MAL2: variants seen among roughly 807,000 people sequenced by gnomAD.
MAL2 encodes protein MAL2.
In MAL2, 17 loss-of-function variants were observed where a neutral mutation model predicts 18.1. The observed-to-expected ratio is 0.94, with a 90% CI of 0.64 to 1.41. MAL2 has a LOEUF of 1.41. Ranked by LOEUF, MAL2 falls within the 40% of genes most tolerant of loss-of-function variation. MAL2 has a pLI of 0.00. For missense variants in MAL2, 222 were observed against 231.9 expected (o/e 0.96, Z 0.28); for synonymous variants, 102 against 102.3 (o/e 1.00, Z 0.02).
chr8:119,228,784 G>A (rs1817648797), intron 2 of MAL2, among the ~76,000 whole-genome samples: 1 of 152,190 alleles, frequency 6.6e-6, no homozygotes, highest in African/African-American at 2.4e-5. Context: ...GTATTTTAGT[G>A]AGAATAACCA....
At chr8:119,228,027 A>G (rs1334084843) in intron 2 of MAL2, among the ~76,000 whole-genome samples, 1 of 152,076 alleles carries the variant, frequency 6.6e-6, no homozygotes, top group Non-Finnish European at 1.5e-5. Context: ...ATTGGCAGAG[A>G]GACTTCCAAG....
intron 1 of MAL2, among the ~76,000 whole-genome samples, chr8:119,218,128 G>T (rs151175157): frequency 6.6e-6 from 1 of 152,162 alleles, no homozygotes; most frequent in East Asian, 1.9e-4. Context: ...ATGTTCTCTG[G>T]CCCATCCTCT....
chr8:119,245,209 C>T lies in MAL2; in HGVS notation c.*1721C>T, dbSNP rs919983831. 6.6e-6 allele frequency: 1 copy of T among 152,554 alleles called. No homozygotes were observed. The highest frequency in any genetic ancestry group is 2.4e-5 in the African/African-American group (1 of 41,418). The allele number at this position is 152,554 out of a possible 1,614,324, so 9.5% of individuals were successfully genotyped here. A position where few individuals can be genotyped will look rare whatever the true frequency, so the allele number is the denominator to read the frequency against. Reference sequence around the variant, plus strand: ...TATAATATCCTACTACTTTGGTTTTCCTAGCTCCATACCACACACCTAAAC... The same window carrying T: ...TATAATATCCTACTACTTTGGTTTTTCTAGCTCCATACCACACACCTAAAC... On this transcript the variant is annotated 3_prime_UTR_variant, in exon 4 of 4. Transcript: ENST00000614891.
intron 2 of MAL2, among the ~76,000 whole-genome samples, chr8:119,236,946 G>A (rs1253319442): frequency 6.7e-6 from 1 of 150,240 alleles, no homozygotes; most frequent in Non-Finnish European, 1.5e-5. Flanking sequence ...TAAAATCAGA[G>A]CAGAACTGAA....
intron 1 of MAL2, among the ~76,000 whole-genome samples, chr8:119,216,321 A>G (rs1283652041): frequency 6.6e-6 from 1 of 152,200 alleles, no homozygotes; most frequent in African/African-American, 2.4e-5. Context: ...AGAATGTTAA[A>G]ATCATAAGTT....
At chr8:119,225,168 G>C (rs534137035) in intron 2 of MAL2, among the ~76,000 whole-genome samples, 1 of 151,992 alleles carries the variant, frequency 6.6e-6, no homozygotes, top group African/African-American at 2.4e-5. Context: ...TGTGCACAAC[G>C]TGCAGGTTAG....
intron 2 of MAL2, among the ~76,000 whole-genome samples, chr8:119,232,730 A>G (rs1392578948): frequency 6.6e-6 from 1 of 152,248 alleles, no homozygotes. Flanking sequence ...CATAACCATA[A>G]TAAAAAGATG....
chr8:119,235,144 G>A (rs1009343747), intron 2 of MAL2, among the ~76,000 whole-genome samples: 40 of 152,200 alleles, frequency 2.6e-4, no homozygotes, highest in East Asian at 3.9e-4. Context: ...ACCAAGGCTC[G>A]AGAACTATGT....
intron 1 of MAL2, among the ~76,000 whole-genome samples, chr8:119,210,195 CTAA>C (rs1817248683): frequency 6.6e-6 from 1 of 151,974 alleles, no homozygotes; most frequent in Non-Finnish European, 1.5e-5. Flanking sequence ...TTATATTTTT[CTAA>C]TGTTTATTCA....
At position 119,244,451 on chromosome 8, in the gene MAL2, A is replaced by G. The variant is rs1279974077; in HGVS notation, c.*963A>G. 2 of 152,192 alleles carry G rather than the reference A, an allele frequency of 1.3e-5. No homozygotes were observed. Among genetic ancestry groups the G allele is most frequent in the East Asian group, 3.9e-4 (2 of 5,182 alleles). The allele number at this position is 152,192 out of a possible 1,614,324, so 9.4% of individuals were successfully genotyped here. On this transcript the variant is annotated 3_prime_UTR_variant, in exon 4 of 4. Transcript: ENST00000614891. ...GCTTAAAATGGGATCCCCAGAGACC[A>G]TTAACCAATACTGGAACTGGTATCT... is the stretch of plus-strand genomic sequence containing the variant.
At chr8:119,227,545 A>G (rs1387979290) in intron 2 of MAL2, among the ~76,000 whole-genome samples, 2 of 152,186 alleles carry the variant, frequency 1.3e-5, no homozygotes. Flanking sequence ...ATATCCAGGA[A>G]GAATGTGGCC....
intron 2 of MAL2, among the ~76,000 whole-genome samples, chr8:119,238,040 T>C (rs908772565): frequency 1.3e-5 from 2 of 152,200 alleles, no homozygotes; most frequent in Non-Finnish European, 2.9e-5. Flanking sequence ...GAAAACCCCA[T>C]TGTCTCAGCC....
chr8:119,224,540 T>A (rs926821949), intron 2 of MAL2, among the ~76,000 whole-genome samples: 20 of 152,234 alleles, frequency 1.3e-4, no homozygotes, highest in African/African-American at 4.6e-4. Context: ...TTGGTTTTTT[T>A]AAGATTTTTT....
chr8:119,243,014 A>T (rs758176488), intron 3 of MAL2, among the ~76,000 whole-genome samples: 6 of 152,210 alleles, frequency 3.9e-5, no homozygotes, highest in Non-Finnish European at 7.3e-5. Flanking sequence ...AAATTATTTG[A>T]TGCATCCTCA....
At chr8:119,219,121 G>GT (rs1258405571) in intron 1 of MAL2, among the ~76,000 whole-genome samples, 2 of 152,144 alleles carry the variant, frequency 1.3e-5, no homozygotes, top group Non-Finnish European at 2.9e-5. Flanking sequence ...GTGGTTAAAT[G>GT]TTTAAGATGC....
chr8:119,208,532 GC>G lies in MAL2; in HGVS notation c.64del (p.Arg22GlyfsTer52), dbSNP rs1554419224. ...CGAACCCCGCCGTGTCCTTCCCGCC[GC>G]CCCGGGTCACCCTGCCCGCCGGCCC... ...PPNPAVSFPP[P>X]RVTLPAGPDI... is the part of the protein sequence containing the mutation. On this transcript the variant is annotated frameshift_variant, in exon 1 of 4. Coordinates refer to ENST00000614891, the MANE Select transcript of MAL2 (RefSeq NM_052886.3). LOFTEE classifies it high-confidence loss of function. The surrounding 1 kb of genome is among the most constrained non-coding windows in gnomAD (Gnocchi z 4.3). 3.6e-6 allele frequency: 5 copies of G among 1,388,882 alleles called. No homozygotes were observed. The highest frequency in any genetic ancestry group is 3.3e-5 in the South Asian group (2 of 60,906). The allele number at this position is 1,388,882 out of a possible 1,614,324, so 86.0% of individuals were successfully genotyped here. A position where few individuals can be genotyped will look rare whatever the true frequency, so the allele number is the denominator to read the frequency against.
intron 2 of MAL2, among the ~76,000 whole-genome samples, chr8:119,239,869 C>T (rs11985408): frequency 0.078 from 11,899 of 151,862 alleles, 1,365 homozygotes; most frequent in African/African-American, 0.25. Flanking sequence ...AACTAACCTG[C>T]ACATTGTGCA....
chr8:119,208,816 C>G lies in MAL2; in HGVS notation c.132+212C>G, dbSNP rs954392972. On this transcript the variant is annotated intron_variant, in intron 1 of 3. Transcript: ENST00000614891. This position sits in a 1 kb window ranked among gnomAD's most constrained non-coding sequence, Gnocchi z 4.3. ...CCTGTTACGCGGGCACCTGCTCCCC[C>G]GCGGGCGACGGAAATTGCCTGGGGA... is the stretch of plus-strand genomic sequence containing the variant. 2 of 707,970 alleles carry G rather than the reference C, an allele frequency of 2.8e-6. No individual in the cohort carries two copies. Among genetic ancestry groups the G allele is most frequent in the African/African-American group, 1.9e-5 (1 of 53,810 alleles). The allele number at this position is 707,970 out of a possible 1,614,324, so 43.9% of individuals were successfully genotyped here.
At chr8:119,227,680 GCTCCACT>G (rs769761387) in intron 2 of MAL2, among the ~76,000 whole-genome samples, 36 of 152,144 alleles carry the variant, frequency 2.4e-4, no homozygotes, top group Non-Finnish European at 3.1e-4. Flanking sequence ...ACAATTAGAT[GCTCCACT>G]CTCCTCTCAT....
Sources: gnomAD v4.1 joint callset for allele counts (sites outside exome capture counted in the v4.1 genomes callset) on GRCh38, gnomAD v4.1.1 for gene constraint, Gnocchi (gnomAD v3.1) non-coding constraint, MANE v1.5 for transcripts, NCBI Gene and HGNC (gene_info 2026-07-23, HGNC 2026-07-21) for gene names.